Variants in ITCH observed in about 807,000 individuals in gnomAD.
ITCH encodes the protein E3 ubiquitin-protein ligase Itchy homolog.
A neutral mutation model predicts 126.8 loss-of-function variants in ITCH; 28 were observed. The observed-to-expected ratio is 0.22, with a 90% CI of 0.16 to 0.30. ITCH has a LOEUF of 0.30. Ranked by LOEUF, ITCH falls within the 10% of genes least tolerant of loss-of-function variation. ITCH has a pLI of 1.00. For synonymous variants in ITCH, 342 were observed against 340.0 expected (o/e 1.01, Z -0.06); for missense variants, 631 against 1,032.4 (o/e 0.61, Z 5.33).
intron 3 of ITCH, among the ~76,000 whole-genome samples, chr20:34,396,536 G>T (rs1378389469): frequency 6.6e-6 from 1 of 151,466 alleles, no homozygotes; most frequent in Non-Finnish European, 1.5e-5. Context: ...CCAGGTGACA[G>T]TCTGCTCTGT....
intron 13 of ITCH, among the ~76,000 whole-genome samples, chr20:34,459,881 A>G (rs1015652708): frequency 2.0e-5 from 3 of 152,200 alleles, no homozygotes; most frequent in African/African-American, 7.2e-5. Flanking sequence ...AGGAAGAATG[A>G]AGAATTTCAT....
At position 34,454,817 on chromosome 20, in the gene ITCH, G is replaced by GTT. The variant is rs200486269; in HGVS notation, c.1211-2545_1211-2544dup. Reference sequence around the variant, plus strand: ...ACCAATTTTTCTTTTTTCTTTTCCTGTTTTTTTTTTTTTTTTTTTTTTTTT... The same window carrying GTT: ...ACCAATTTTTCTTTTTTCTTTTCCTGTTTTTTTTTTTTTTTTTTTTTTTTTTT... On this transcript the variant is annotated intron_variant, in intron 12 of 24. Transcript: ENST00000374864. Among the ~76,000 whole-genome samples, 379 of 109,448 alleles carry GTT rather than the reference G, an allele frequency of 3.5e-3. 28 individuals carry two copies. The highest frequency in any genetic ancestry group is 0.022 in the East Asian group (77 of 3,468). The allele number at this position is 109,448 out of a possible 152,430, so 71.8% of individuals were successfully genotyped here. A position where few individuals can be genotyped will look rare whatever the true frequency, so the allele number is the denominator to read the frequency against.
chr20:34,383,947 C>G (rs2038167774), intron 2 of ITCH, among the ~76,000 whole-genome samples: 1 of 148,104 alleles, frequency 6.8e-6, no homozygotes, highest in Admixed American at 6.9e-5. Context: ...TGGGTTCAAG[C>G]TATTCTTCTG....
Position 34,408,760 on chromosome 20 carries a change from A to C in ITCH, c.180A>C (p.Thr60=), listed in dbSNP as rs765993734. The C allele has an allele frequency of 2.5e-6, 4 of 1,614,016 alleles. No homozygotes were observed. Among genetic ancestry groups the C allele is most frequent in the East Asian group, 4.5e-5 (2 of 44,870 alleles). ...AGAAGACAGAAAAATGCAACAACAC[A>C]AACAGTCCCAAGTGGAAGCAACCCC... ...QSKKTEKCNN[T]NSPKWKQPLT... Residue 60 remains threonine, a synonymous_variant, in exon 4 of 25, where the codon ACA becomes ACC. Transcript: ENST00000374864.
Position 34,460,249 on chromosome 20 carries a change from C to G in ITCH, c.1296-1844C>G, listed in dbSNP as rs1411189623. Among the ~76,000 whole-genome samples, 4 of 151,592 alleles carry G rather than the reference C, an allele frequency of 2.6e-5. No homozygotes were observed. The East Asian group carries it at 7.8e-4, about 29-fold the overall frequency. Reference sequence around the variant, plus strand: ...TGTCACCCAGGCTGGAGTGAAGTGACATGATCATGGCTTGCTGCAGCCTTG... The same window carrying G: ...TGTCACCCAGGCTGGAGTGAAGTGAGATGATCATGGCTTGCTGCAGCCTTG... On this transcript the variant is annotated intron_variant, in intron 13 of 24. Coordinates refer to ENST00000374864, the MANE Select transcript of ITCH (RefSeq NM_031483.7).
chr20:34,457,287 G>T, intron 12 of ITCH, 103 bp from the exon 13 acceptor site: 1 of 783,316 alleles, frequency 1.3e-6, no homozygotes, highest in Non-Finnish European at 2.2e-6. Flanking sequence ...AATAAACAAT[G>T]AAATGAGAAA....
rs1233355987 is a variant in ITCH at position 34,509,497 on chromosome 20, C to T, written c.*1703C>T. 1.3e-5 allele frequency: 2 copies of T among 152,594 alleles called. No individual in the cohort carries two copies. Among genetic ancestry groups the T allele is most frequent in the Non-Finnish European group, 2.9e-5 (2 of 68,032 alleles). The allele number at this position is 152,594 out of a possible 1,614,324, so 9.5% of individuals were successfully genotyped here. A position where few individuals can be genotyped will look rare whatever the true frequency, so the allele number is the denominator to read the frequency against. On this transcript the variant is annotated 3_prime_UTR_variant, in exon 25 of 25. Coordinates refer to ENST00000374864, the MANE Select transcript of ITCH (RefSeq NM_031483.7). The stretch of plus-strand genomic sequence containing the variant: ...ACAACAATAAAAACATTTTTTTAAA[C>T]TTGTCTACTGTAAGATACTGCCATC...
In ITCH at chr20:34,492,412, A is replaced by T. The variant is rs375547295; in HGVS notation, c.2320-89A>T. 8.6e-6 allele frequency: 8 copies of T among 926,540 alleles called. No individual in the cohort carries two copies. The South Asian group carries it at 9.8e-5, about 11-fold the overall frequency. 57.4% of individuals were successfully genotyped at this position (926,540 alleles called of 1,614,324 possible). A position where few individuals can be genotyped will look rare whatever the true frequency, so the allele number is the denominator to read the frequency against. ...GGACACCTCACCTCTAAAAAAAATA[A>T]AAGATTTGAAATCATTATTTTTCTT... is the stretch of plus-strand genomic sequence containing the variant. On this transcript the variant is annotated intron_variant, in intron 22 of 24. Coordinates refer to ENST00000374864, the MANE Select transcript of ITCH (RefSeq NM_031483.7).
At chr20:34,493,771 G>T (rs1989674379) in intron 23 of ITCH, among the ~76,000 whole-genome samples, 1 of 152,174 alleles carries the variant, frequency 6.6e-6, no homozygotes. Context: ...AGCAGCTGTA[G>T]AGGTAACAAT....
At chr20:34,470,333 A>T (rs1987499974) in intron 15 of ITCH, among the ~76,000 whole-genome samples, 1 of 152,098 alleles carries the variant, frequency 6.6e-6, no homozygotes, top group Non-Finnish European at 1.5e-5. Flanking sequence ...ATGTAATCCC[A>T]GCACTTGGGG....
rs143360185 is a variant in ITCH, at chr20:34,488,307, C to T, written c.2094-959C>T. Among the ~76,000 whole-genome samples the T allele has an allele frequency of 1.1e-4, 16 of 152,020 alleles. No individual in the cohort carries two copies. In the South Asian group the frequency reaches 3.3e-3, roughly 32 times the overall value. On this transcript the variant is annotated intron_variant, in intron 20 of 24. Transcript: ENST00000374864. The stretch of plus-strand genomic sequence containing the variant: ...CTTCATTTTTTGAAGGATATTGTCA[C>T]TAGATTTAGAATTCTAGGTTTATAA...
At chr20:34,460,798 A>T (rs1201578703) in intron 13 of ITCH, among the ~76,000 whole-genome samples, 4 of 152,154 alleles carry the variant, frequency 2.6e-5, no homozygotes, top group Admixed American at 2.6e-4. Context: ...AAATAGGAGG[A>T]TCACTTCCGG....
chr20:34,397,353 G>T (rs2038715006), intron 3 of ITCH, among the ~76,000 whole-genome samples: 1 of 152,150 alleles, frequency 6.6e-6, no homozygotes, highest in Non-Finnish European at 1.5e-5. Context: ...ATTTGTACTA[G>T]CTAGAATGAG....
chr20:34,497,197 A>T (rs961774997), intron 23 of ITCH, among the ~76,000 whole-genome samples: 1 of 151,990 alleles, frequency 6.6e-6, no homozygotes, highest in Non-Finnish European at 1.5e-5. Flanking sequence ...GGGTTTCTCT[A>T]TGTTGGTCAG....
intron 23 of ITCH, among the ~76,000 whole-genome samples, chr20:34,495,095 TACAA>T (rs1989770771): frequency 1.7e-5 from 1 of 58,414 alleles, no homozygotes; most frequent in African/African-American, 7.0e-5. Context: ...CTACGAAAAA[TACAA>T]AAAAAAAAAA....
At chr20:34,404,071 A>G (rs950832075) in intron 3 of ITCH, among the ~76,000 whole-genome samples, 1 of 152,294 alleles carries the variant, frequency 6.6e-6, no homozygotes, top group Non-Finnish European at 1.5e-5. Flanking sequence ...ATTCTAGGAA[A>G]ATAATTCTGG....
At chr20:34,407,600 C>T (rs888138865) in intron 3 of ITCH, among the ~76,000 whole-genome samples, 8 of 152,114 alleles carry the variant, frequency 5.3e-5, no homozygotes, top group African/African-American at 1.7e-4. Context: ...ATAAAGCTCC[C>T]ATACAAAGCT....
chr20:34,411,076 C>G (rs1978963221), intron 4 of ITCH, among the ~76,000 whole-genome samples: 1 of 152,136 alleles, frequency 6.6e-6, no homozygotes, highest in Non-Finnish European at 1.5e-5. Flanking sequence ...TGACAGTATA[C>G]TTTATGTACC....
intron 7 of ITCH, among the ~76,000 whole-genome samples, chr20:34,429,507 A>G (rs1371057021): frequency 1.3e-5 from 2 of 152,192 alleles, no homozygotes; most frequent in African/African-American, 4.8e-5. Flanking sequence ...ACACATTTCC[A>G]TGTGATGCTG....
Sources: allele counts gnomAD v4.1 joint callset (sites outside exome capture counted in the v4.1 genomes callset), GRCh38; gene constraint gnomAD v4.1.1; transcripts MANE v1.5; gene names NCBI Gene and HGNC (gene_info 2026-07-23, HGNC 2026-07-21).